The following BEND3 variants were observed in gnomAD, a reference collection of about 807,000 sequenced individuals.
BEND3 encodes the protein BEN domain-containing protein 3.
Under a neutral mutation model 60.1 loss-of-function variants are expected in BEND3, and 13 were observed. The observed-to-expected ratio is 0.22, with a 90% CI of 0.14 to 0.34. BEND3 has a LOEUF of 0.34. Among genes scored for constraint, BEND3 ranks in the 10% least tolerant of loss-of-function variants. The pLI is 1.00. For missense variants in BEND3, 896 were observed against 1,138.1 expected, an observed-to-expected ratio of 0.79 and a Z score of 3.06; for synonymous variants, 497 against 491.5, an observed-to-expected ratio of 1.01 and a Z score of -0.15.
chr6:107,068,974 A>C lies in BEND3; in HGVS notation c.2217T>G (p.Phe739Leu). ...IVQQSLSVGN[F>L]AARLLVRLFP... The stretch of plus-strand genomic sequence containing the variant: ...ACAGGCGGACGAGGAGCCGGGCGGC[A>C]AAGTTGCCCACGGAGAGGCTCTGCT... The change falls in exon 4 of 4, where the codon TTT becomes TTG. Residue 739 changes from phenylalanine (F) to leucine (L), a missense_variant. Physicochemically the swap from Phe to Leu is conservative, Grantham distance 22. This residue lies in a region of BEND3 where 846 missense variants were observed against 1,036.7 expected (regional missense o/e 0.82). Coordinates refer to ENST00000369042, the MANE Select transcript of BEND3 (RefSeq NM_001367314.1). This position sits in a 1 kb window ranked among gnomAD's most constrained non-coding sequence, Gnocchi z 5.8. 1.1e-5 allele frequency: 17 copies of C among 1,613,778 alleles called. No individual in the cohort carries two copies. The highest frequency in any genetic ancestry group is 1.4e-5 in the Non-Finnish European group (17 of 1,180,000).
At chr6:107,090,342 C>G (rs1291852440) in intron 3 of BEND3, among the ~76,000 whole-genome samples, 1 of 152,060 alleles carries the variant, frequency 6.6e-6, no homozygotes, top group Non-Finnish European at 1.5e-5. Context: ...GAGCAAGACT[C>G]TGTCTCAAGT....
chr6:107,106,189 T>C (rs1775809112), intron 1 of BEND3: 2 of 152,340 alleles, frequency 1.3e-5, no homozygotes, highest in East Asian at 3.9e-4. Context: ...GTAGTTAGTA[T>C]TCATGTGGCA....
intron 3 of BEND3, among the ~76,000 whole-genome samples, chr6:107,083,410 A>G (rs1775272912): frequency 6.6e-6 from 1 of 152,078 alleles, no homozygotes; most frequent in Admixed American, 6.5e-5. Context: ...GCTTGAGCCC[A>G]GGAGTCCCAG....
chr6:107,098,689 C>T lies in BEND3; in HGVS notation c.102G>A (p.Val34=), dbSNP rs1290894322. ...AGTGCTTCTCAGAAGTCCTGGAATT[C>T]ACGGAGCAGTCCAGAGCAGCATCTT... The part of the protein sequence containing the change: ...EAEDAALDCS[V]NSRTSEKHSV... The change falls in exon 3 of 4, where the codon GTG becomes GTA. Residue 34 remains valine (V), a synonymous_variant. Coordinates refer to ENST00000369042, the MANE Select transcript of BEND3 (RefSeq NM_001367314.1). 6.2e-7 allele frequency: 1 copy of T among 1,614,120 alleles called. No individual in the cohort carries two copies. Among genetic ancestry groups the T allele is most frequent in the Admixed American group, 1.7e-5 (1 of 60,024 alleles).
At chr6:107,100,520 G>T (rs1256213083) in intron 1 of BEND3, among the ~76,000 whole-genome samples, 1 of 152,108 alleles carries the variant, frequency 6.6e-6, no homozygotes, top group Non-Finnish European at 1.5e-5. Flanking sequence ...GCCCACCTCA[G>T]CCTCCCAAAG....
rs782507854 is a variant in BEND3, at chr6:107,070,678, C to G, written c.513G>C (p.Leu171=). The change falls in exon 4 of 4, where the codon CTG becomes CTC. Residue 171 remains leucine (L), a synonymous_variant. Transcript: ENST00000369042. This position sits in a 1 kb window ranked among gnomAD's most constrained non-coding sequence, Gnocchi z 6.9. ...ASNSPSSLRL[L]NEPQKRDCGS... ...CACAGTCCCGCTTCTGTGGCTCATT[C>G]AGGAGCCGCAGTGACGAGGGGCTGT... 2 of 1,612,994 alleles carry G rather than the reference C, an allele frequency of 1.2e-6. No homozygotes were observed. Among genetic ancestry groups the G allele is most frequent in the East Asian group, 2.2e-5 (1 of 44,876 alleles).
intron 1 of BEND3, among the ~76,000 whole-genome samples, chr6:107,100,889 A>C (rs1272558173): frequency 1.3e-5 from 2 of 152,206 alleles, no homozygotes; most frequent in African/African-American, 4.8e-5. Context: ...AGTGGAGAGC[A>C]GGACCAAGAA....
chr6:107,113,314 G>A (rs1423115424), intron 1 of BEND3, among the ~76,000 whole-genome samples: 3 of 151,348 alleles, frequency 2.0e-5, no homozygotes, highest in Non-Finnish European at 4.4e-5. Flanking sequence ...CACATGGACT[G>A]TAATCCCAGC....
At position 107,070,255 on chromosome 6, in the gene BEND3, C is replaced by T. The variant is rs1554231757; in HGVS notation, c.936G>A (p.Glu312=). Residue 312 remains glutamate, a synonymous_variant, in exon 4 of 4, where the codon GAG becomes GAA. Coordinates refer to ENST00000369042, the MANE Select transcript of BEND3 (RefSeq NM_001367314.1). The surrounding 1 kb of genome is among the most constrained non-coding windows in gnomAD (Gnocchi z 6.9). ...TGTCCTTCACCGAGGGGTAGTAGAC[C>T]TCCACATAGTTGCGGATGAGCTGCA... ...LHLQLIRNYV[E]VYYPSVKDTA... 2 of 1,613,096 alleles carry T rather than the reference C, an allele frequency of 1.2e-6. No homozygotes were observed. The highest frequency in any genetic ancestry group is 3.3e-5 in the Admixed American group (2 of 60,016).
chr6:107,080,008 G>T (rs943143560), intron 3 of BEND3, among the ~76,000 whole-genome samples: 1 of 151,806 alleles, frequency 6.6e-6, no homozygotes, highest in Non-Finnish European at 1.5e-5. Flanking sequence ...TAGGATTACA[G>T]GTATGAGCCA....
intron 3 of BEND3, among the ~76,000 whole-genome samples, chr6:107,087,737 GAAAC>G (rs1359971978): frequency 1.6e-5 from 1 of 63,306 alleles, no homozygotes; most frequent in Non-Finnish European, 3.5e-5. Context: ...ACTCCATCTC[GAAAC>G]AAACAAACAA....
chr6:107,094,621 C>CATAAATAAATAA (rs144954565), intron 3 of BEND3, among the ~76,000 whole-genome samples: 18 of 139,722 alleles, frequency 1.3e-4, no homozygotes, highest in East Asian at 6.4e-4. Flanking sequence ...AACTCCATCT[C>CATAAATAAATAA]ATAAATAAAT....
At chr6:107,099,152 C>G in intron 2 of BEND3, 97 bp downstream of exon 2, 1 of 1,028,524 alleles carries the variant, frequency 9.7e-7, no homozygotes, top group Non-Finnish European at 1.5e-6. Flanking sequence ...GGACTTTTCA[C>G]TATATAACTT....
At chr6:107,095,033 G>A (rs894283603) in intron 3 of BEND3, among the ~76,000 whole-genome samples, 1 of 151,746 alleles carries the variant, frequency 6.6e-6, no homozygotes, top group Non-Finnish European at 1.5e-5. Context: ...ATATTGCCCA[G>A]GCTGATCTGG....
At chr6:107,107,055 G>A (rs1775831797) in intron 1 of BEND3, among the ~76,000 whole-genome samples, 1 of 150,758 alleles carries the variant, frequency 6.6e-6, no homozygotes, top group South Asian at 2.1e-4. Context: ...TCCTGCCCCA[G>A]CCTCCCAAGT....
chr6:107,113,297 A>G (rs1769848014), intron 1 of BEND3, among the ~76,000 whole-genome samples: 1 of 151,120 alleles, frequency 6.6e-6, no homozygotes, highest in African/African-American at 2.4e-5. Flanking sequence ...TTAGCAAGGC[A>G]TGGTGGCACA....
At chr6:107,101,922 T>C (rs1417772486) in intron 1 of BEND3, among the ~76,000 whole-genome samples, 1 of 152,122 alleles carries the variant, frequency 6.6e-6, no homozygotes, top group Non-Finnish European at 1.5e-5. Flanking sequence ...GCAGAACAGA[T>C]GGGGCAAAAC....
At chr6:107,106,914 C>G (rs1775827124) in intron 1 of BEND3, among the ~76,000 whole-genome samples, 1 of 151,280 alleles carries the variant, frequency 6.6e-6, no homozygotes, top group South Asian at 2.1e-4. Flanking sequence ...GACCCTTAAC[C>G]CAGCCCAGTT....
At chr6:107,073,891 GAAAAAGAAAAGGAGAAA>G (rs1247863449) in intron 3 of BEND3, among the ~76,000 whole-genome samples, 2 of 151,336 alleles carry the variant, frequency 1.3e-5, no homozygotes, top group African/African-American at 2.4e-5. Context: ...GTCTCAGAAA[GAAAAAGAAAAGGAGAAA>G]AAAAAGAAAA....
Sources: gnomAD v4.1 joint callset for allele counts (sites outside exome capture counted in the v4.1 genomes callset) on GRCh38, gnomAD v4.1.1 for gene constraint, gnomAD v4.1.1 regional missense constraint, Gnocchi (gnomAD v3.1) non-coding constraint, MANE v1.5 for transcripts, NCBI Gene and HGNC (gene_info 2026-07-23, HGNC 2026-07-21) for gene names.